Variants in GUCD1 observed in about 807,000 individuals in gnomAD.
GUCD1 encodes guanylyl cyclase domain containing 1, also known as protein GUCD1.
Under a neutral mutation model 28.3 loss-of-function variants are expected in GUCD1, and 17 were observed. The observed-to-expected ratio is 0.60, with a 90% CI of 0.41 to 0.90. GUCD1 has a LOEUF of 0.90. Among genes scored for constraint, GUCD1 ranks in the 40% least tolerant of loss-of-function variants. The pLI, the probability that GUCD1 is intolerant of heterozygous loss-of-function variation, is 0.00. For synonymous variants in GUCD1, 129 were observed against 123.3 expected, an observed-to-expected ratio of 1.05 and a Z score of -0.30; for missense variants, 279 against 305.5, an observed-to-expected ratio of 0.91 and a Z score of 0.65.
At chr22:24,545,791 G>C (rs1397617161) in intron 4 of GUCD1, among the ~76,000 whole-genome samples, 2 of 151,540 alleles carry the variant, frequency 1.3e-5, no homozygotes, top group African/African-American at 4.9e-5. Flanking sequence ...TTTTAGTAGA[G>C]ACGGGGTTTC....
In GUCD1 at chr22:24,546,788, G is replaced by C; in HGVS notation, c.386+126C>G. 9.9e-6 allele frequency: 8 copies of C among 807,316 alleles called. No individual in the cohort carries two copies. In the South Asian group the frequency reaches 1.2e-4, roughly 12 times the overall value. 50.0% of individuals were successfully genotyped at this position (807,316 alleles called of 1,614,324 possible). A position where few individuals can be genotyped will look rare whatever the true frequency, so the allele number is the denominator to read the frequency against. On this transcript the variant is annotated intron_variant, in intron 4 of 5. Coordinates refer to ENST00000435822, the MANE Select transcript of GUCD1 (RefSeq NM_001284254.2). ...CAAGTCAGTGCCCACAGCCACCCGGGTAGCCAGTTCTGCCTGGCTCCAGAG... is the reference window on the plus strand; with the variant it reads ...CAAGTCAGTGCCCACAGCCACCCGGCTAGCCAGTTCTGCCTGGCTCCAGAG...
upstream of GUCD1, chr22:24,555,272 C>T (rs2045022558): frequency 2.2e-6 from 3 of 1,354,916 alleles, no homozygotes; most frequent in African/African-American, 1.5e-5. Flanking sequence ...GGCCATTCGC[C>T]GCCTCAGCGT....
At chr22:24,551,185 C>A (rs1454445985) in intron 1 of GUCD1, among the ~76,000 whole-genome samples, 1 of 152,168 alleles carries the variant, frequency 6.6e-6, no homozygotes, top group Non-Finnish European at 1.5e-5. Context: ...TGTGAACCTG[C>A]CCCCAGCTGG....
Position 24,540,759 on chromosome 22 carries a change from G to A in GUCD1, c.*2247C>T, listed in dbSNP as rs2044573720. 6.5e-6 allele frequency: 1 copy of A among 152,762 alleles called. No individual in the cohort carries two copies. Among genetic ancestry groups the A allele is most frequent in the African/African-American group, 2.4e-5 (1 of 41,452 alleles). 9.5% of individuals were successfully genotyped at this position (152,762 alleles called of 1,614,324 possible). Reference sequence around the variant, plus strand: ...GGCAGATGAGTCTTGAGAATGGGCAGCTTTCTCATTCATCTTTCAGGAAGG... The same window carrying A: ...GGCAGATGAGTCTTGAGAATGGGCAACTTTCTCATTCATCTTTCAGGAAGG... On this transcript the variant is annotated 3_prime_UTR_variant, in exon 6 of 6. Transcript: ENST00000435822.
At chr22:24,546,635 A>G (rs1045490244) in intron 4 of GUCD1, among the ~76,000 whole-genome samples, 1 of 152,190 alleles carries the variant, frequency 6.6e-6, no homozygotes, top group Non-Finnish European at 1.5e-5. Flanking sequence ...TCTTTCTGCA[A>G]GTAGCCCAAG....
chr22:24,548,909 C>A lies in GUCD1; in HGVS notation c.128+8G>T. On this transcript the variant is annotated splice_region_variant and intron_variant, in intron 2 of 5. Transcript: ENST00000435822. ...AGCACCTGGGCCCCCAGCCCTGGCCCCACTCACCGCAGCACCATCCTGGAG... is the reference window on the plus strand; with the variant it reads ...AGCACCTGGGCCCCCAGCCCTGGCCACACTCACCGCAGCACCATCCTGGAG... 6.4e-7 allele frequency: 1 copy of A among 1,565,478 alleles called. No homozygotes were observed. Among genetic ancestry groups the A allele is most frequent in the East Asian group, 2.3e-5 (1 of 42,872 alleles).
At chr22:24,551,654 A>T (rs61043892) in intron 1 of GUCD1, among the ~76,000 whole-genome samples, 9,657 of 152,178 alleles carry the variant, frequency 0.063, 754 homozygotes, top group African/African-American at 0.19. Flanking sequence ...CCCAGCTCAA[A>T]ATCTCTTCTT....
chr22:24,549,987 A>T (rs951479261), intron 1 of GUCD1, among the ~76,000 whole-genome samples: 2 of 152,212 alleles, frequency 1.3e-5, no homozygotes, highest in African/African-American at 4.8e-5. Flanking sequence ...CTGTCACGTA[A>T]GCTATGAAGC....
At chr22:24,543,811 C>T in intron 5 of GUCD1, 31 bp downstream of exon 5, 1 of 1,608,538 alleles carries the variant, frequency 6.2e-7, no homozygotes, top group Non-Finnish European at 8.5e-7. Flanking sequence ...ATGTGGACCA[C>T]TCTGCCTCAC....
At chr22:24,555,703 A>G, upstream of GUCD1, 2 of 1,550,676 alleles carry the variant, frequency 1.3e-6, no homozygotes, top group Non-Finnish European at 1.7e-6. Context: ...TGAGGGCCCA[A>G]GCCCCGCGTC....
At chr22:24,546,087 G>A (rs887799778) in intron 4 of GUCD1, among the ~76,000 whole-genome samples, 4 of 151,988 alleles carry the variant, frequency 2.6e-5, no homozygotes, top group African/African-American at 7.2e-5. Flanking sequence ...TCAGCCTCCC[G>A]AGTAGCTGGG....
chr22:24,547,835 C>A (rs1601543461), intron 3 of GUCD1, 73 bp downstream of exon 3: 2 of 1,523,770 alleles, frequency 1.3e-6, no homozygotes, highest in African/African-American at 2.7e-5. Flanking sequence ...TTCCCTCTTC[C>A]AACTACTGGA....
At position 24,555,032 on chromosome 22, in the gene GUCD1, C is replaced by A. The variant is rs749221484; in HGVS notation, c.-41G>T. ...GGGCGCCCATGGCCCCGGCCCAGAGCGGGCTACAGCTTCCGCTTCGGCTGG... is the reference window on the plus strand; with the variant it reads ...GGGCGCCCATGGCCCCGGCCCAGAGAGGGCTACAGCTTCCGCTTCGGCTGG... On this transcript the variant is annotated 5_prime_UTR_variant, in exon 1 of 6. Coordinates refer to ENST00000435822, the MANE Select transcript of GUCD1 (RefSeq NM_001284254.2). 11 of 1,407,268 alleles carry A rather than the reference C, an allele frequency of 7.8e-6. No homozygotes were observed. In the African/African-American group the frequency reaches 1.4e-4, roughly 17 times the overall value. The allele number at this position is 1,407,268 out of a possible 1,614,324, so 87.2% of individuals were successfully genotyped here. A position where few individuals can be genotyped will look rare whatever the true frequency, so the allele number is the denominator to read the frequency against.
Position 24,554,997 on chromosome 22 carries a change from G to A in GUCD1, c.-6C>T, listed in dbSNP as rs1057182851. ...GCCTCCGCCTCCGTCCTCATGACCC[G>A]GGCGGCGCGGGGCGCCCATGGCCCC... On this transcript the variant is annotated 5_prime_UTR_variant, in exon 1 of 6. Coordinates refer to ENST00000435822, the MANE Select transcript of GUCD1 (RefSeq NM_001284254.2). 2.0e-6 allele frequency: 3 copies of A among 1,510,618 alleles called. No homozygotes were observed. Among genetic ancestry groups the A allele is most frequent in the Admixed American group, 2.4e-5 (1 of 42,092 alleles). 93.6% of individuals were successfully genotyped at this position (1,510,618 alleles called of 1,614,324 possible).
chr22:24,549,044 C>T, intron 1 of GUCD1, 43 bp from the exon 2 acceptor site: 1 of 1,344,632 alleles, frequency 7.4e-7, no homozygotes, highest in Non-Finnish European at 1.0e-6. Flanking sequence ...CAGCGCAGAG[C>T]CCACCACTCC....
At position 24,548,931 on chromosome 22, in the gene GUCD1, G is replaced by C; in HGVS notation, c.114C>G (p.Ser38=). The C allele has an allele frequency of 6.3e-7, 1 of 1,580,960 alleles. No homozygotes were observed. The highest frequency in any genetic ancestry group is 8.6e-7 in the Non-Finnish European group (1 of 1,163,116). ...GCCCCACTCACCGCAGCACCATCCT[G>C]GAGCAGGCCAGGCCACAGTCCCAGT... ...LYHWDCGLAC[S]RMVLRYLGQL... is the part of the protein sequence containing the mutation. The change falls in exon 2 of 6, where the codon TCC becomes TCG. Residue 38 remains serine, a synonymous_variant. Coordinates refer to ENST00000435822, the MANE Select transcript of GUCD1 (RefSeq NM_001284254.2).
At chr22:24,547,677 C>T in intron 3 of GUCD1, 2 of 526,650 alleles carry the variant, frequency 3.8e-6, no homozygotes, top group Non-Finnish European at 6.9e-6. Context: ...GGACAGGAGC[C>T]AGGACTCAGT....
rs146621338 is a variant in GUCD1 at position 24,541,120 on chromosome 22, C to T, written c.*1886G>A. 246 of 169,466 alleles carry T rather than the reference C, an allele frequency of 1.5e-3. No homozygotes were observed. The highest frequency in any genetic ancestry group is 3.9e-3 in the African/African-American group (161 of 41,662). 10.5% of individuals were successfully genotyped at this position (169,466 alleles called of 1,614,324 possible). A position where few individuals can be genotyped will look rare whatever the true frequency, so the allele number is the denominator to read the frequency against. ...AGACCAGTCTAGAGCCAACACCGGT[C>T]TCTGAAACCCAGAAGGGCTGCCCAA... On this transcript the variant is annotated 3_prime_UTR_variant, in exon 6 of 6. Coordinates refer to ENST00000435822, the MANE Select transcript of GUCD1 (RefSeq NM_001284254.2).
chr22:24,546,815 C>A (rs2044739102), intron 4 of GUCD1, 99 bp downstream of exon 4: 4 of 1,100,016 alleles, frequency 3.6e-6, no homozygotes, highest in Non-Finnish European at 5.6e-6. Flanking sequence ...GCTCCAGAGT[C>A]CTAGCCTTTC....
Sources: allele counts gnomAD v4.1 joint callset (sites outside exome capture counted in the v4.1 genomes callset), GRCh38; gene constraint gnomAD v4.1.1; transcripts MANE v1.5; gene names NCBI Gene and HGNC (gene_info 2026-07-23, HGNC 2026-07-21).